The following ENPP2 variants were observed in gnomAD, a reference collection of about 807,000 sequenced individuals.
ENPP2 encodes the protein ectonucleotide pyrophosphatase/phosphodiesterase 2.
ENPP2 carries 51 observed loss-of-function variants against 120.2 expected under a neutral mutation model. The ratio of observed to expected loss-of-function variants is 0.42; its 90% CI spans 0.34 to 0.54. The LOEUF (loss-of-function observed/expected upper bound fraction) is 0.54, where lower values mean the gene tolerates loss of function less well. Ranked by LOEUF, ENPP2 falls within the 20% of genes least tolerant of loss-of-function variation. The probability of loss-of-function intolerance (pLI) is 0.04; values close to 1 mark genes in which losing one functional copy is unlikely to be tolerated. For missense variants in ENPP2, 920 were observed against 1,066.5 expected (o/e 0.86, Z 1.91); for synonymous variants, 365 against 366.4 (o/e 1.00, Z 0.04).
At chr8:119,563,659 A>T (rs1051328203) in intron 23 of ENPP2, among the ~76,000 whole-genome samples, 8 of 152,178 alleles carry the variant, frequency 5.3e-5, no homozygotes, top group Admixed American at 1.3e-4. Context: ...ACAGAAATTC[A>T]TAATTCCTTG....
chr8:119,638,818 C>G lies in ENPP2; in HGVS notation c.-38G>C. ...TGGAAAGCCTTTTGCAGCGTGTTCT[C>G]TTTGCCTTCACGGAGTGCACTGCTT... On this transcript the variant is annotated 5_prime_UTR_variant, in exon 1 of 25. Transcript: ENST00000075322. The G allele has an allele frequency of 6.2e-7, 1 of 1,613,804 alleles. No individual in the cohort carries two copies. The highest frequency in any genetic ancestry group is 8.5e-7 in the Non-Finnish European group (1 of 1,179,722).
At chr8:119,613,245 A>G (rs1815236153) in intron 8 of ENPP2, among the ~76,000 whole-genome samples, 1 of 152,250 alleles carries the variant, frequency 6.6e-6, no homozygotes, top group African/African-American at 2.4e-5. Context: ...CATGTTGAGT[A>G]TTAACAAATT....
chr8:119,575,234 T>C (rs1056172570), intron 19 of ENPP2, among the ~76,000 whole-genome samples: 3 of 152,150 alleles, frequency 2.0e-5, no homozygotes, highest in Non-Finnish European at 2.9e-5. Flanking sequence ...TTCAGCTGCA[T>C]AGCAGCACTA....
chr8:119,636,271 C>G (rs369626403), intron 2 of ENPP2, among the ~76,000 whole-genome samples: 1 of 152,156 alleles, frequency 6.6e-6, no homozygotes, highest in Non-Finnish European at 1.5e-5. Context: ...AGCATTTAAA[C>G]GCATAAAGAT....
At chr8:119,561,876 C>T (rs1476793547) in intron 24 of ENPP2, among the ~76,000 whole-genome samples, 9 of 152,044 alleles carry the variant, frequency 5.9e-5, no homozygotes, top group African/African-American at 1.7e-4. Context: ...CAGTGGCTCA[C>T]GCCTGTAATC....
chr8:119,633,102 G>A lies in ENPP2; in HGVS notation c.136+5323C>T, dbSNP rs118151051. On this transcript the variant is annotated intron_variant, in intron 2 of 24. Coordinates refer to ENST00000075322, the MANE Select transcript of ENPP2 (RefSeq NM_001040092.3). Reference sequence around the variant, plus strand: ...AATTCTAGTGCCATCTGTTCCATAAGATACAACAAAACTATTGATGATTTA... The same window carrying A: ...AATTCTAGTGCCATCTGTTCCATAAAATACAACAAAACTATTGATGATTTA... Among the ~76,000 whole-genome samples the A allele has an allele frequency of 5.4e-4, 82 of 152,250 alleles. 1 individual carries two copies. In the East Asian group the frequency reaches 0.016, roughly 29 times the overall value.
chr8:119,597,307 C>T (rs1043103571), intron 11 of ENPP2, among the ~76,000 whole-genome samples: 32 of 152,168 alleles, frequency 2.1e-4, no homozygotes, highest in Non-Finnish European at 2.5e-4. Flanking sequence ...ATTCTGCTAG[C>T]GCTCAAGTCG....
chr8:119,582,377 C>A (rs1204649625), intron 18 of ENPP2, 41 bp downstream of exon 18: 1 of 1,525,132 alleles, frequency 6.6e-7, no homozygotes, highest in African/African-American at 1.4e-5. Context: ...TGTTAGCCAC[C>A]CAACAAACTT....
At chr8:119,564,008 T>C (rs1471847736) in intron 23 of ENPP2, among the ~76,000 whole-genome samples, 1 of 151,496 alleles carries the variant, frequency 6.6e-6, no homozygotes, top group Non-Finnish European at 1.5e-5. Context: ...TATTTAATTT[T>C]ATACAATGAA....
intron 12 of ENPP2, among the ~76,000 whole-genome samples, chr8:119,592,473 C>CAAAAAAAAAAAAA (rs61330053): frequency 1.8e-4 from 10 of 54,912 alleles, no homozygotes; most frequent in East Asian, 5.2e-4. Flanking sequence ...AACTCCACCT[C>CAAAAAAAAAAAAA]AAAAAAAAAA....
rs376153658 is a variant in ENPP2 at position 119,565,289 on chromosome 8, T to C, written c.2132-334A>G. 6.6e-5 allele frequency among the ~76,000 whole-genome samples: 10 copies of C among 152,242 alleles called. No individual in the cohort carries two copies. The East Asian group carries it at 7.8e-4, about 12-fold the overall frequency. On this transcript the variant is annotated intron_variant, in intron 22 of 24. Transcript: ENST00000075322. ...AACACGCCAGGCAGAGGGAACAGAA[T>C]GTGCAAAAGAGGAAGTATGGTGTTT...
intron 3 of ENPP2, among the ~76,000 whole-genome samples, chr8:119,623,976 T>C (rs781057100): frequency 6.6e-6 from 1 of 152,148 alleles, no homozygotes; most frequent in South Asian, 2.1e-4. Context: ...CTCGAGGAGA[T>C]TAAGTGCTTA....
intron 4 of ENPP2, among the ~76,000 whole-genome samples, chr8:119,619,942 A>C (rs1443747595): frequency 6.6e-6 from 1 of 152,210 alleles, no homozygotes; most frequent in African/African-American, 2.4e-5. Context: ...ACAAGTTATC[A>C]AAAAGAATTT....
intron 21 of ENPP2, among the ~76,000 whole-genome samples, chr8:119,568,618 A>T (rs1009428141): frequency 4.0e-5 from 6 of 150,972 alleles, no homozygotes; most frequent in Admixed American, 3.3e-4. Context: ...TTTTTTTTTT[A>T]AATATGGAAT....
intron 11 of ENPP2, among the ~76,000 whole-genome samples, chr8:119,598,170 AT>A (rs1459260486): frequency 6.6e-6 from 1 of 152,190 alleles, no homozygotes; most frequent in East Asian, 1.9e-4. Flanking sequence ...AGCATAAACT[AT>A]TTTGTTTTTC....
rs376957858 is a variant in ENPP2 at position 119,670,775 on chromosome 8, A to T, written c.21+2477T>A. On this transcript the variant is annotated intron_variant, in intron 1 of 25. Coordinates refer to the ENPP2 transcript ENST00000427067. Reference sequence around the variant, plus strand: ...TAAATAGTTTAACACGCCTAAATTCATATATGATATGGACAAAATGTATAT... The same window carrying T: ...TAAATAGTTTAACACGCCTAAATTCTTATATGATATGGACAAAATGTATAT... 5.9e-5 allele frequency among the ~76,000 whole-genome samples: 9 copies of T among 152,362 alleles called. No homozygotes were observed. The East Asian group carries it at 7.7e-4, about 13-fold the overall frequency.
chr8:119,666,267 T>C (rs1818065674), intron 1 of ENPP2, among the ~76,000 whole-genome samples: 1 of 152,180 alleles, frequency 6.6e-6, no homozygotes, highest in African/African-American at 2.4e-5. Flanking sequence ...ATCACTCATA[T>C]AATGAAAATA....
chr8:119,643,748 A>G (rs1355205839), upstream of ENPP2, among the ~76,000 whole-genome samples: 2 of 152,232 alleles, frequency 1.3e-5, no homozygotes, highest in African/African-American at 4.8e-5. Context: ...TAAAATTACA[A>G]CTGTGGAAAA....
Position 119,557,495 on chromosome 8 carries a change from A to C in ENPP2, c.*26T>G, listed in dbSNP as rs1813556476. ...TATAAAAATATACAACCAGTTGATA[A>C]GACTGTACTGCAGATGCTCAGAAAG... is the stretch of plus-strand genomic sequence containing the variant. On this transcript the variant is annotated 3_prime_UTR_variant, in exon 25 of 25. Transcript: ENST00000075322. The C allele has an allele frequency of 1.3e-6, 2 of 1,567,190 alleles. No homozygotes were observed. The highest frequency in any genetic ancestry group is 1.4e-5 in the African/African-American group (1 of 73,386).
Sources: gnomAD v4.1 joint callset for allele counts (sites outside exome capture counted in the v4.1 genomes callset) on GRCh38, gnomAD v4.1.1 for gene constraint, MANE v1.5 for transcripts, NCBI Gene and HGNC (gene_info 2026-07-23, HGNC 2026-07-21) for gene names.